Variants in PSKH1 observed in about 807,000 individuals in gnomAD.
PSKH1 encodes protein serine kinase H1, also known as serine/threonine-protein kinase H1.
PSKH1 carries 12 observed loss-of-function variants against 26.7 expected under a neutral mutation model. The ratio of observed to expected loss-of-function variants is 0.45; its 90% confidence interval spans 0.29 to 0.73. PSKH1 has a LOEUF of 0.73. Ranked by LOEUF, PSKH1 falls within the 30% of genes least tolerant of loss-of-function variation. The pLI, the probability that PSKH1 is intolerant of heterozygous loss-of-function variation, is 0.11. For missense variants in PSKH1, 431 were observed against 595.2 expected, an observed-to-expected ratio of 0.72 and a Z score of 2.87; for synonymous variants, 213 against 234.3, an observed-to-expected ratio of 0.91 and a Z score of 0.83.
At chr16:67,904,208 T>A (rs1419427500) in intron 1 of PSKH1, among the ~76,000 whole-genome samples, 1 of 151,204 alleles carries the variant, frequency 6.6e-6, no homozygotes. Flanking sequence ...TTGTATTTTT[T>A]ATATATTTTT....
intron 2 of PSKH1, among the ~76,000 whole-genome samples, chr16:67,921,224 G>A (rs2058201534): frequency 6.6e-6 from 1 of 151,894 alleles, no homozygotes; most frequent in South Asian, 2.1e-4. Flanking sequence ...TTTGCAGTGA[G>A]ATGGTTCCAT....
chr16:67,902,829 C>T (rs1459194932), intron 1 of PSKH1, among the ~76,000 whole-genome samples: 2 of 151,982 alleles, frequency 1.3e-5, no homozygotes, highest in Non-Finnish European at 2.9e-5. Flanking sequence ...ACTGAGTGGT[C>T]GTGGGCATCG....
chr16:67,922,047 C>G (rs1042129948), intron 2 of PSKH1, among the ~76,000 whole-genome samples: 2 of 151,790 alleles, frequency 1.3e-5, no homozygotes, highest in African/African-American at 4.8e-5. Flanking sequence ...CAGGCTCTCT[C>G]CCCCCACACC....
At position 67,927,317 on chromosome 16, in the gene PSKH1, G is replaced by T. The variant is rs770115951; in HGVS notation, c.958-8G>T. The T allele has an allele frequency of 1.2e-5, 19 of 1,598,686 alleles. No individual in the cohort carries two copies. Among genetic ancestry groups the T allele is most frequent in the Admixed American group, 1.7e-5 (1 of 59,300 alleles). On this transcript the variant is annotated splice_region_variant and splice_polypyrimidine_tract_variant and intron_variant, in intron 2 of 2. Coordinates refer to ENST00000291041, the MANE Select transcript of PSKH1 (RefSeq NM_006742.3). The surrounding 1 kb of genome is among the most constrained non-coding windows in gnomAD (Gnocchi z 5.5). ...GCTCTCACTCTAATGCTTGTCCTTG[G>T]TCTCTAGCCCTGGCCTAGTGTGTCC...
chr16:67,925,617 C>T (rs2058213963), intron 2 of PSKH1, among the ~76,000 whole-genome samples: 1 of 152,184 alleles, frequency 6.6e-6, no homozygotes, highest in Non-Finnish European at 1.5e-5. Flanking sequence ...TCGTTGGCTG[C>T]ATGCTCCTGG....
chr16:67,909,843 T>A lies in PSKH1; in HGVS notation c.957+137T>A. On this transcript the variant is annotated intron_variant, in intron 2 of 2. Transcript: ENST00000291041. The surrounding 1 kb of genome is among the most constrained non-coding windows in gnomAD (Gnocchi z 7.8). The stretch of plus-strand genomic sequence containing the variant: ...GGCAGGTCATATAAAAGGGACAAAG[T>A]GAGACTATCAGAATGTAGTTTGGGT... 1.3e-6 allele frequency: 1 copy of A among 778,924 alleles called. No individual in the cohort carries two copies. The highest frequency in any genetic ancestry group is 2.0e-6 in the Non-Finnish European group (1 of 489,680). The allele number at this position is 778,924 out of a possible 1,614,324, so 48.3% of individuals were successfully genotyped here. A position where few individuals can be genotyped will look rare whatever the true frequency, so the allele number is the denominator to read the frequency against.
At chr16:67,907,513 G>A (rs145386256) in intron 1 of PSKH1, among the ~76,000 whole-genome samples, 8,665 of 152,192 alleles carry the variant, frequency 0.057, 338 homozygotes, top group Non-Finnish European at 0.091. Flanking sequence ...TGCCCGCCTC[G>A]GCCTTCCAAA....
chr16:67,918,216 G>C (rs1253486067), intron 2 of PSKH1, among the ~76,000 whole-genome samples: 4 of 152,282 alleles, frequency 2.6e-5, no homozygotes, highest in African/African-American at 7.2e-5. Flanking sequence ...GAGGCAGGAC[G>C]GATGAAGGGG....
chr16:67,915,737 C>T (rs1365853500), intron 2 of PSKH1, among the ~76,000 whole-genome samples: 1 of 152,156 alleles, frequency 6.6e-6, no homozygotes, highest in East Asian at 1.9e-4. Context: ...TAAGCAGAGG[C>T]AGCACCTCCT....
intron 1 of PSKH1, among the ~76,000 whole-genome samples, chr16:67,900,283 G>A (rs2058138135): frequency 6.6e-6 from 1 of 152,118 alleles, no homozygotes; most frequent in Admixed American, 6.5e-5. Flanking sequence ...CATTTGCTCT[G>A]AGTTCAGCAA....
At chr16:67,899,481 G>A (rs1055713520) in intron 1 of PSKH1, among the ~76,000 whole-genome samples, 7 of 151,218 alleles carry the variant, frequency 4.6e-5, no homozygotes, top group African/African-American at 1.5e-4. Flanking sequence ...GACTACAGGC[G>A]CCTGCCACCA....
At chr16:67,905,616 T>G (rs927673564) in intron 1 of PSKH1, among the ~76,000 whole-genome samples, 1 of 152,226 alleles carries the variant, frequency 6.6e-6, no homozygotes, top group Non-Finnish European at 1.5e-5. Flanking sequence ...TCCCAGCACT[T>G]TAGGTGGCCA....
chr16:67,905,303 A>G (rs1409168758), intron 1 of PSKH1, among the ~76,000 whole-genome samples: 1 of 151,988 alleles, frequency 6.6e-6, no homozygotes, highest in African/African-American at 2.4e-5. Context: ...CTGACCTTCT[A>G]TAACTTCATC....
At chr16:67,905,720 G>A (rs1363027804) in intron 1 of PSKH1, among the ~76,000 whole-genome samples, 4 of 152,034 alleles carry the variant, frequency 2.6e-5, no homozygotes, top group East Asian at 1.9e-4. Context: ...TCACCCAGGC[G>A]AGGTGGCAGG....
At chr16:67,916,903 C>A (rs943384345) in intron 2 of PSKH1, among the ~76,000 whole-genome samples, 3 of 152,096 alleles carry the variant, frequency 2.0e-5, no homozygotes, top group Non-Finnish European at 2.9e-5. Context: ...GTCCTGCCTA[C>A]CATCCTGGCA....
At position 67,927,259 on chromosome 16, in the gene PSKH1, G is replaced by A; in HGVS notation, c.958-66G>A. 1.4e-6 allele frequency: 2 copies of A among 1,473,730 alleles called. No individual in the cohort carries two copies. Among genetic ancestry groups the A allele is most frequent in the Non-Finnish European group, 1.8e-6 (2 of 1,081,834 alleles). 91.3% of individuals were successfully genotyped at this position (1,473,730 alleles called of 1,614,324 possible). A position where few individuals can be genotyped will look rare whatever the true frequency, so the allele number is the denominator to read the frequency against. On this transcript the variant is annotated intron_variant, in intron 2 of 2. Coordinates refer to ENST00000291041, the MANE Select transcript of PSKH1 (RefSeq NM_006742.3). The surrounding 1 kb of genome is among the most constrained non-coding windows in gnomAD (Gnocchi z 5.5). ...GGAAAGGGGAGGGTTGCTGAGTAGT[G>A]GCCTCATCCAGATGGGGTGGGCAGT...
chr16:67,909,983 A>G lies in PSKH1; in HGVS notation c.957+277A>G. The G allele has an allele frequency of 1.8e-6, 1 of 552,744 alleles. No homozygotes were observed. The highest frequency in any genetic ancestry group is 2.7e-5 in the South Asian group (1 of 36,988). The allele number at this position is 552,744 out of a possible 1,614,324, so 34.2% of individuals were successfully genotyped here. Reference sequence around the variant, plus strand: ...AAGTGAGGCAGGAAGGGAGAAAGTCAGTAGAGTATATTGAGAAATGGACTG... The same window carrying G: ...AAGTGAGGCAGGAAGGGAGAAAGTCGGTAGAGTATATTGAGAAATGGACTG... On this transcript the variant is annotated intron_variant, in intron 2 of 2. Coordinates refer to ENST00000291041, the MANE Select transcript of PSKH1 (RefSeq NM_006742.3). The surrounding 1 kb of genome is among the most constrained non-coding windows in gnomAD (Gnocchi z 7.8).
chr16:67,894,063 A>G (rs527660939), intron 1 of PSKH1, among the ~76,000 whole-genome samples: 18 of 152,338 alleles, frequency 1.2e-4, no homozygotes, highest in Non-Finnish European at 2.4e-4. Context: ...TAACCAGCCA[A>G]TCAACACCGG....
chr16:67,920,852 C>A (rs2058200493), intron 2 of PSKH1, among the ~76,000 whole-genome samples: 1 of 152,312 alleles, frequency 6.6e-6, no homozygotes, highest in Non-Finnish European at 1.5e-5. Flanking sequence ...TCTCTTCATT[C>A]TTCCTCCATC....
Sources: gnomAD v4.1 joint callset for allele counts (sites outside exome capture counted in the v4.1 genomes callset) on GRCh38, gnomAD v4.1.1 for gene constraint, Gnocchi (gnomAD v3.1) non-coding constraint, MANE v1.5 for transcripts, NCBI Gene and HGNC (gene_info 2026-07-23, HGNC 2026-07-21) for gene names.